Variants in DACH1 observed in about 807,000 individuals in gnomAD.
The protein encoded by DACH1 is dachshund family transcription factor 1.
Under a neutral mutation model 54.2 loss-of-function variants are expected in DACH1, and 12 were observed. The observed-to-expected ratio is 0.22, with a 90% confidence interval of 0.14 to 0.36. The LOEUF is 0.36. Ranked by LOEUF, DACH1 falls within the 10% of genes least tolerant of loss-of-function variation. The pLI is 1.00. For synonymous variants in DACH1, 386 were observed against 366.2 expected (o/e 1.05, Z -0.62); for missense variants, 805 against 929.8 (o/e 0.87, Z 1.75).
intron 6 of DACH1, among the ~76,000 whole-genome samples, chr13:71,498,182 A>T (rs559128062): frequency 6.6e-6 from 1 of 152,196 alleles, no homozygotes; most frequent in Admixed American, 6.5e-5. Flanking sequence ...ACTATCACCT[A>T]TATCAGTGAG....
chr13:71,520,017 T>C (rs186527155), intron 6 of DACH1, among the ~76,000 whole-genome samples: 2 of 150,170 alleles, frequency 1.3e-5, no homozygotes, highest in Non-Finnish European at 3.0e-5. Context: ...CCATTGCTTA[T>C]ATTTTCTAAA....
At chr13:71,810,703 G>C (rs1887675723) in intron 1 of DACH1, among the ~76,000 whole-genome samples, 1 of 152,068 alleles carries the variant, frequency 6.6e-6, no homozygotes, top group Non-Finnish European at 1.5e-5. Flanking sequence ...AGCTCATATA[G>C]CTTCAACTTC....
At position 71,462,698 on chromosome 13, in the gene DACH1, A is replaced by G. The variant is rs1876186502; in HGVS notation, c.2083+12443T>C. ...TTCTTTACGTGTATTAATTCATTTA[A>G]TCTTCATAACAATTTCACAAATAAA... On this transcript the variant is annotated intron_variant, in intron 10 of 10. Coordinates refer to ENST00000613252, the MANE Select transcript of DACH1 (RefSeq NM_080759.6). 2.0e-5 allele frequency among the ~76,000 whole-genome samples: 3 copies of G among 151,946 alleles called. No homozygotes were observed. The South Asian group carries it at 6.2e-4, about 31-fold the overall frequency.
At chr13:71,694,022 G>C (rs1251608299) in intron 1 of DACH1, among the ~76,000 whole-genome samples, 2 of 151,922 alleles carry the variant, frequency 1.3e-5, no homozygotes, top group African/African-American at 4.8e-5. Context: ...CTCAAATGAG[G>C]GTAAAAAAAC....
intron 1 of DACH1, among the ~76,000 whole-genome samples, chr13:71,802,984 G>A (rs906824247): frequency 4.6e-5 from 7 of 152,024 alleles, no homozygotes; most frequent in African/African-American, 7.2e-5. Context: ...TTTACCCAGC[G>A]TTTATAGAAA....
Position 71,775,127 on chromosome 13 carries a change from C to CTTTTTTTTTTT in DACH1, c.848+90784_848+90794dup, listed in dbSNP as rs767902341. ...GAGCAAGACTCCATCTCAACACAAGCTTTTTTTTTTTTTTTTTTTTTTTTT... is the reference window on the plus strand; with the variant it reads ...GAGCAAGACTCCATCTCAACACAAGCTTTTTTTTTTTTTTTTTTTTTTTTTTTTTTTTTTTT... On this transcript the variant is annotated intron_variant, in intron 1 of 10. Coordinates refer to ENST00000613252, the MANE Select transcript of DACH1 (RefSeq NM_080759.6). Among the ~76,000 whole-genome samples, 35 of 54,028 alleles carry CTTTTTTTTTTT rather than the reference C, an allele frequency of 6.5e-4. 5 individuals are homozygous for CTTTTTTTTTTT. The highest frequency in any genetic ancestry group is 1.2e-3 in the African/African-American group (16 of 12,954). The allele number at this position is 54,028 out of a possible 152,430, so 35.4% of individuals were successfully genotyped here.
chr13:71,735,848 C>T (rs2137931175), intron 1 of DACH1, among the ~76,000 whole-genome samples: 1 of 152,012 alleles, frequency 6.6e-6, no homozygotes, highest in Middle Eastern at 3.4e-3. Context: ...TTTTATAACA[C>T]AACAGAGTAG....
At chr13:71,740,658 T>A (rs1469955676) in intron 1 of DACH1, among the ~76,000 whole-genome samples, 4 of 152,202 alleles carry the variant, frequency 2.6e-5, no homozygotes, top group Admixed American at 6.5e-5. Flanking sequence ...GTCATAAAGC[T>A]GAATAAGATA....
At chr13:71,801,062 A>C (rs1483599236) in intron 1 of DACH1, among the ~76,000 whole-genome samples, 1 of 131,972 alleles carries the variant, frequency 7.6e-6, no homozygotes, top group Non-Finnish European at 1.6e-5. Context: ...TGTAACTTAC[A>C]GACAAGCACA....
At chr13:71,813,239 C>T (rs987432403) in intron 1 of DACH1, among the ~76,000 whole-genome samples, 4 of 152,118 alleles carry the variant, frequency 2.6e-5, no homozygotes, top group African/African-American at 7.2e-5. Context: ...AGAGCTCTCA[C>T]TAAGAGTCAG....
intron 2 of DACH1, among the ~76,000 whole-genome samples, chr13:71,644,917 A>T (rs983741777): frequency 1.3e-5 from 2 of 152,226 alleles, no homozygotes; most frequent in African/African-American, 4.8e-5. Flanking sequence ...TCTTTTCTGT[A>T]TTTGCCAAGA....
intron 2 of DACH1, among the ~76,000 whole-genome samples, chr13:71,635,479 A>C (rs577295205): frequency 6.6e-6 from 1 of 152,300 alleles, no homozygotes; most frequent in African/African-American, 2.4e-5. Context: ...TTCCCAAACA[A>C]AGTTGCCTTA....
At chr13:71,758,466 C>T (rs1160070877) in intron 1 of DACH1, among the ~76,000 whole-genome samples, 2 of 152,096 alleles carry the variant, frequency 1.3e-5, no homozygotes, top group Non-Finnish European at 2.9e-5. Context: ...TCAATGTGAT[C>T]AAGAAAAGTG....
At chr13:71,506,249 T>C (rs1198067845) in intron 6 of DACH1, among the ~76,000 whole-genome samples, 1 of 150,136 alleles carries the variant, frequency 6.7e-6, no homozygotes, top group Admixed American at 6.6e-5. Context: ...ACTCGTCATC[T>C]AGCATTAGGT....
At chr13:71,571,597 T>C (rs1885201178) in intron 4 of DACH1, among the ~76,000 whole-genome samples, 1 of 152,170 alleles carries the variant, frequency 6.6e-6, no homozygotes, top group Non-Finnish European at 1.5e-5. Context: ...CTTTTGGTTA[T>C]TTTTTCCTCT....
chr13:71,655,359 CT>C (rs764085708), intron 2 of DACH1, among the ~76,000 whole-genome samples: 11,979 of 142,956 alleles, frequency 0.084, 1,560 homozygotes, highest in African/African-American at 0.28. Context: ...GGTGATGTCT[CT>C]TTTTTTTTTT....
intron 3 of DACH1, chr13:71,573,514 G>T (rs1195080058): frequency 2.9e-6 from 2 of 690,184 alleles, no homozygotes; most frequent in Non-Finnish European, 5.3e-6. Flanking sequence ...ATAGAGGCCT[G>T]AGGTCCCTGG....
At chr13:71,660,566 C>A (rs545782107) in intron 2 of DACH1, among the ~76,000 whole-genome samples, 66 of 152,114 alleles carry the variant, frequency 4.3e-4, no homozygotes, top group African/African-American at 1.6e-3. Flanking sequence ...AATTCAAATT[C>A]TCTGCCATTA....
intron 1 of DACH1, among the ~76,000 whole-genome samples, chr13:71,864,180 TACACACACACACACACACAC>T (rs55651625): frequency 1.8e-5 from 2 of 108,426 alleles, no homozygotes; most frequent in Non-Finnish European, 3.7e-5. Context: ...CGCGCGCACA[TACACACACACACACACACAC>T]ACACACACAC....
Sources: allele counts gnomAD v4.1 joint callset (sites outside exome capture counted in the v4.1 genomes callset), GRCh38; gene constraint gnomAD v4.1.1; transcripts MANE v1.5; gene names NCBI Gene and HGNC (gene_info 2026-07-23, HGNC 2026-07-21).